The following NBPF12 variants were observed in gnomAD, a reference collection of about 807,000 sequenced individuals.
The protein encoded by NBPF12 is NBPF family member NBPF12.
In NBPF12, 115 loss-of-function variants were observed where a neutral mutation model predicts 146.4. The observed-to-expected ratio is 0.79, with a 90% CI of 0.68 to 0.92. NBPF12 has a LOEUF of 0.92. Ranked by LOEUF, NBPF12 falls within the 40% of genes least tolerant of loss-of-function variation. NBPF12 has a pLI of 0.00. For synonymous variants in NBPF12, 385 were observed against 508.9 expected (o/e 0.76, Z 3.28); for missense variants, 1,205 against 1,326.8 (o/e 0.91, Z 1.43).
intron 5 of NBPF12, among the ~76,000 whole-genome samples, chr1:146,962,866 A>G (rs1207262579): frequency 2.6e-5 from 4 of 151,424 alleles, no homozygotes; most frequent in African/African-American, 4.9e-5. Context: ...CAGAAGAGAA[A>G]GATGAATGGA....
chr1:146,984,549 G>C (rs2101909177), intron 21 of NBPF12, among the ~76,000 whole-genome samples: 1 of 150,164 alleles, frequency 6.7e-6, no homozygotes, highest in African/African-American at 2.5e-5. Context: ...TCATCAGTGT[G>C]TCACCCGGCC....
upstream of NBPF12, among the ~76,000 whole-genome samples, chr1:146,948,622 C>T (rs1553883590): frequency 6.6e-6 from 1 of 152,084 alleles, no homozygotes; most frequent in South Asian, 2.1e-4. Context: ...CTGCAGGGAC[C>T]TCTGCCTAGG....
At chr1:146,951,427 A>T in exon 2 of NBPF12, 1 of 669,870 alleles carries the variant, frequency 1.5e-6, no homozygotes, top group Non-Finnish European at 2.7e-6. Context: ...ACTGGTTGGG[A>T]ATCCAAAGTT....
rs1655317817 is a variant in NBPF12 at position 146,951,366 on chromosome 1, G to A, written c.-307G>A. Reference sequence around the variant, plus strand: ...TTGGTAGCCCTTGAAGATAAGGATGGTCAAACAAAATAATATCATACCTGG... The same window carrying A: ...TTGGTAGCCCTTGAAGATAAGGATGATCAAACAAAATAATATCATACCTGG... On this transcript the variant is annotated 5_prime_UTR_variant, in exon 2 of 34. Transcript: ENST00000617844. 2.5e-5 allele frequency: 16 copies of A among 631,976 alleles called. No homozygotes were observed. In the South Asian group the frequency reaches 3.0e-4, roughly 12 times the overall value. The allele number at this position is 631,976 out of a possible 1,614,324, so 39.1% of individuals were successfully genotyped here.
chr1:146,981,156 G>C (rs1224472961), intron 19 of NBPF12, among the ~76,000 whole-genome samples: 16 of 132,198 alleles, frequency 1.2e-4, no homozygotes, highest in African/African-American at 4.2e-4. Flanking sequence ...AGGAGGGGTA[G>C]CATTAGGAGA....
In NBPF12 at chr1:146,984,737, A is replaced by T. The variant is rs1287462553; in HGVS notation, c.2667-76A>T. The T allele has an allele frequency of 3.6e-6, 3 of 822,762 alleles. No homozygotes were observed. In the African/African-American group the frequency reaches 5.0e-5, roughly 14 times the overall value. 51.0% of individuals were successfully genotyped at this position (822,762 alleles called of 1,614,324 possible). A position where few individuals can be genotyped will look rare whatever the true frequency, so the allele number is the denominator to read the frequency against. ...TTCTTTTCAAACTCTTCCTTATGTT[A>T]GCCATGAAATCTAGCTGGGGCTGTG... On this transcript the variant is annotated intron_variant, in intron 21 of 33. Coordinates refer to ENST00000617844, the Ensembl canonical transcript of NBPF12.
At chr1:146,969,454 A>G in exon 11 of NBPF12, 2 of 1,418,116 alleles carry the variant, frequency 1.4e-6, no homozygotes, top group Non-Finnish European at 2.0e-6. Flanking sequence ...GGGAAGGGAG[A>G]GATGCCTCCC....
intron 9 of NBPF12, among the ~76,000 whole-genome samples, chr1:146,967,824 A>T (rs1656303752): frequency 6.6e-6 from 1 of 151,076 alleles, no homozygotes; most frequent in African/African-American, 2.5e-5. Flanking sequence ...ATTGGCACAG[A>T]GTAAACACTA....
At chr1:146,945,950 C>T (rs1481204937), upstream of NBPF12, among the ~76,000 whole-genome samples, 6,441 of 151,450 alleles carry the variant, frequency 0.043, 509 homozygotes, top group African/African-American at 0.15. Context: ...CATTTCATGC[C>T]TCCTCCTCTC....
exon 14 of NBPF12, chr1:146,972,855 T>C (rs1656743807): frequency 1.2e-5 from 15 of 1,253,720 alleles, no homozygotes; most frequent in Non-Finnish European, 1.6e-5. Flanking sequence ...CAATGAGAAG[T>C]TGCGCCCCCA....
At chr1:146,995,722 G>GA (rs1553890465) in exon 34 of NBPF12, 1 of 150,354 alleles carries the variant, frequency 6.7e-6, no homozygotes, top group African/African-American at 2.5e-5. Context: ...TGCGGGCAGA[G>GA]AAGGTCTAGT....
At chr1:146,973,790 A>T (rs1182852441) in intron 14 of NBPF12, among the ~76,000 whole-genome samples, 30 of 144,536 alleles carry the variant, frequency 2.1e-4, no homozygotes, top group African/African-American at 3.0e-4. Flanking sequence ...TGTTAAAAAA[A>T]AATAATAATG....
upstream of NBPF12, among the ~76,000 whole-genome samples, chr1:146,945,002 C>CCCTT (rs1289179536): frequency 4.7e-4 from 14 of 30,004 alleles, no homozygotes; most frequent in African/African-American, 1.9e-3. Context: ...CTCCCTCCCT[C>CCCTT]CCTTCCTTCC....
At chr1:146,966,490 A>G (rs1656220321) in exon 9 of NBPF12, 1 of 1,435,118 alleles carries the variant, frequency 7.0e-7, no homozygotes, top group Non-Finnish European at 9.8e-7. Flanking sequence ...TTCTGCCACA[A>G]ACGTCAGCAT....
intron 10 of NBPF12, among the ~76,000 whole-genome samples, 193 bp from the exon 14 acceptor site, chr1:146,969,189 C>T (rs1381156995): frequency 6.6e-6 from 1 of 151,270 alleles, no homozygotes; most frequent in Non-Finnish European, 1.5e-5. Flanking sequence ...TTGCAGGAGC[C>T]CTCTCTGATA....
intron 5 of NBPF12, 49 bp downstream of exon 8, chr1:146,962,312 T>C: frequency 4.3e-6 from 6 of 1,401,254 alleles, no homozygotes; most frequent in Non-Finnish European, 5.9e-6. Flanking sequence ...TGTAGATCTC[T>C]GAAGTACAGC....
At chr1:146,941,028 A>G (rs1484106938) in intron 1 of NBPF12, among the ~76,000 whole-genome samples, 1 of 151,860 alleles carries the variant, frequency 6.6e-6, no homozygotes, top group East Asian at 1.9e-4. Context: ...TCTTTTTTCA[A>G]TCTGCAGCTT....
chr1:146,939,692 G>C (rs1412528563), intron 1 of NBPF12, among the ~76,000 whole-genome samples: 3 of 151,872 alleles, frequency 2.0e-5, no homozygotes, highest in South Asian at 2.1e-4. Flanking sequence ...TGGTTTCCTC[G>C]CTTTCTTCCT....
Position 146,971,166 on chromosome 1 carries a change from C to T in NBPF12, c.1380-17C>T, listed in dbSNP as rs1656587112. 1.2e-6 allele frequency: 2 copies of T among 1,610,808 alleles called. No individual in the cohort carries two copies. The highest frequency in any genetic ancestry group is 1.4e-5 in the African/African-American group (1 of 73,874). On this transcript the variant is annotated splice_polypyrimidine_tract_variant and intron_variant, in intron 12 of 33. Transcript: ENST00000617844. ...GTGTTTAATCTTCTGTCATCTCTGT[C>T]CCACCTGGCTCATCAGGGAGATGCA...
Sources: gnomAD v4.1 joint callset for allele counts (sites outside exome capture counted in the v4.1 genomes callset) on GRCh38, gnomAD v4.1.1 for gene constraint, MANE v1.5 for transcripts, NCBI Gene and HGNC (gene_info 2026-07-23, HGNC 2026-07-21) for gene names.